EDARADD: variants seen among roughly 807,000 people sequenced by gnomAD.
The protein encoded by EDARADD is EDAR associated via death domain.
EDARADD carries 20 observed loss-of-function variants against 25.6 expected under a neutral mutation model. The ratio of observed to expected loss-of-function variants is 0.78; its 90% CI spans 0.55 to 1.14. The LOEUF (loss-of-function observed/expected upper bound fraction) is 1.14. EDARADD is among the 50% of genes most tolerant of loss of function. The pLI, the probability that EDARADD is intolerant of heterozygous loss-of-function variation, is 0.00. For synonymous variants in EDARADD, 86 were observed against 94.4 expected (o/e 0.91, Z 0.52); for missense variants, 225 against 270.1 (o/e 0.83, Z 1.17).
intron 3 of EDARADD, among the ~76,000 whole-genome samples, chr1:236,416,409 T>C (rs596222): frequency 1.3e-5 from 2 of 152,036 alleles, no homozygotes; most frequent in African/African-American, 4.8e-5. Context: ...AATGTCGTGG[T>C]GCCATCAGGC....
chr1:236,381,801 C>CTGTTTTTT (rs1667303341), intron 3 of EDARADD, among the ~76,000 whole-genome samples: 2 of 42,072 alleles, frequency 4.8e-5, no homozygotes, highest in Admixed American at 4.8e-4. Context: ...CCTGTGGTTG[C>CTGTTTTTT]TTTTTTTTTT....
chr1:236,376,590 G>A (rs767202401), intron 3 of EDARADD, among the ~76,000 whole-genome samples: 12 of 151,734 alleles, frequency 7.9e-5, no homozygotes, highest in African/African-American at 1.7e-4. Flanking sequence ...GTCTTTTTTC[G>A]AACTTTTTTC....
chr1:236,359,615 G>A (rs1667022982), intron 3 of EDARADD, among the ~76,000 whole-genome samples: 1 of 152,224 alleles, frequency 6.6e-6, no homozygotes, highest in African/African-American at 2.4e-5. Context: ...CAGTGGCTGG[G>A]GAAGCCTCAC....
chr1:236,433,753 C>A (rs1658168971), intron 4 of EDARADD, among the ~76,000 whole-genome samples: 1 of 151,588 alleles, frequency 6.6e-6, no homozygotes, highest in East Asian at 1.9e-4. Context: ...GCCTGTTATC[C>A]CAGCTACTCT....
rs34509027 is a variant in EDARADD at position 236,385,089 on chromosome 1, C to CTTTTTTTTTTTTTTTTT, written c.-5-24126_-5-24110dup. Among the ~76,000 whole-genome samples the CTTTTTTTTTTTTTTTTT allele has an allele frequency of 2.2e-4, 27 of 121,934 alleles. 1 individual carries two copies. The highest frequency in any genetic ancestry group is 6.7e-4 in the African/African-American group (20 of 29,742). 80.0% of individuals were successfully genotyped at this position (121,934 alleles called of 152,430 possible). A position where few individuals can be genotyped will look rare whatever the true frequency, so the allele number is the denominator to read the frequency against. ...GATTTTTATTCTATGCCTTTTGATT[C>CTTTTTTTTTTTTTTTTT]TTTTTTTTTTTTTTTTTGCCTTAAG... On this transcript the variant is annotated intron_variant, in intron 3 of 7. Coordinates refer to the EDARADD transcript ENST00000439430.
chr1:236,423,731 T>G (rs1192763428), intron 3 of EDARADD, among the ~76,000 whole-genome samples: 4 of 152,166 alleles, frequency 2.6e-5, no homozygotes, highest in Non-Finnish European at 5.9e-5. Context: ...TTCTAGTCAC[T>G]AATTGGATGG....
At position 236,482,971 on chromosome 1, in the gene EDARADD, C is replaced by T. The variant is rs1037364729; in HGVS notation, c.*322C>T. 11 of 604,780 alleles carry T rather than the reference C, an allele frequency of 1.8e-5. No homozygotes were observed. Among genetic ancestry groups the T allele is most frequent in the African/African-American group, 3.7e-5 (2 of 53,852 alleles). The allele number at this position is 604,780 out of a possible 1,614,324, so 37.5% of individuals were successfully genotyped here. On this transcript the variant is annotated 3_prime_UTR_variant, in exon 6 of 6. Transcript: ENST00000334232. Reference sequence around the variant, plus strand: ...ATAAAATTATCCTCTCTCTGAAATACGGTAAAGATTTAAATAGGTCCTGAG... The same window carrying T: ...ATAAAATTATCCTCTCTCTGAAATATGGTAAAGATTTAAATAGGTCCTGAG...
At chr1:236,405,333 C>T (rs796816526) in intron 1 of EDARADD, among the ~76,000 whole-genome samples, 1 of 152,194 alleles carries the variant, frequency 6.6e-6, no homozygotes, top group African/African-American at 2.4e-5. Flanking sequence ...TCTTGTTGGC[C>T]TCATAACCCT....
intron 5 of EDARADD, among the ~76,000 whole-genome samples, chr1:236,477,054 CAAA>C (rs61477663): frequency 5.3e-5 from 6 of 113,830 alleles, no homozygotes; most frequent in African/African-American, 5.8e-5. Context: ...TGCCCATAAG[CAAA>C]AAAAAAAAAA....
At chr1:236,435,510 C>T (rs1277813673) in intron 4 of EDARADD, among the ~76,000 whole-genome samples, 1 of 152,102 alleles carries the variant, frequency 6.6e-6, no homozygotes, top group African/African-American at 2.4e-5. Flanking sequence ...CTTCACATGT[C>T]GAGGAAGGAA....
At chr1:236,447,135 CTCTT>C (rs1658564114) in intron 4 of EDARADD, among the ~76,000 whole-genome samples, 1 of 151,366 alleles carries the variant, frequency 6.6e-6, no homozygotes, top group Non-Finnish European at 1.5e-5. Flanking sequence ...CTCTCTCTCT[CTCTT>C]TCCTTCCTTC....
rs1275192352 is a variant in EDARADD, at chr1:236,484,351, G to A, written c.*1702G>A. ...CTGTGACCTGGGCAGCTCAAGACTG[G>A]TGCCCCTTGCTGATCTGAGCGCTTG... On this transcript the variant is annotated 3_prime_UTR_variant, in exon 6 of 6. Transcript: ENST00000334232. The surrounding 1 kb of genome is among the most constrained non-coding windows in gnomAD (Gnocchi z 4.1). 13 of 1,484,284 alleles carry A rather than the reference G, an allele frequency of 8.8e-6. No homozygotes were observed. Among genetic ancestry groups the A allele is most frequent in the Non-Finnish European group, 1.0e-5 (11 of 1,062,500 alleles). 91.9% of individuals were successfully genotyped at this position (1,484,284 alleles called of 1,614,324 possible). A position where few individuals can be genotyped will look rare whatever the true frequency, so the allele number is the denominator to read the frequency against.
chr1:236,481,145 A>C (rs897250025), intron 5 of EDARADD, among the ~76,000 whole-genome samples: 1 of 152,106 alleles, frequency 6.6e-6, no homozygotes, highest in Non-Finnish European at 1.5e-5. Flanking sequence ...TCCAGTTTTC[A>C]TGTCTGTGTT....
chr1:236,482,653 T>C lies in EDARADD; in HGVS notation c.*4T>C. 1 of 1,611,524 alleles carries C rather than the reference T, an allele frequency of 6.2e-7. No individual in the cohort carries two copies. ...AGACCCCTCCAGGCACTTCTAGAGCTCTTCTTCTTCCTTCATTGGCCTCTC... is the reference window on the plus strand; with the variant it reads ...AGACCCCTCCAGGCACTTCTAGAGCCCTTCTTCTTCCTTCATTGGCCTCTC... On this transcript the variant is annotated 3_prime_UTR_variant, in exon 6 of 6. Coordinates refer to ENST00000334232, the MANE Select transcript of EDARADD (RefSeq NM_145861.4).
chr1:236,422,133 G>A (rs1484062002), intron 3 of EDARADD, among the ~76,000 whole-genome samples: 1 of 152,220 alleles, frequency 6.6e-6, no homozygotes, highest in East Asian at 1.9e-4. Flanking sequence ...GTGACACCCA[G>A]TAACTTACAT....
At chr1:236,481,726 C>T (rs1305721042) in intron 5 of EDARADD, among the ~76,000 whole-genome samples, 4 of 149,856 alleles carry the variant, frequency 2.7e-5, no homozygotes, top group Non-Finnish European at 5.9e-5. Flanking sequence ...TTGCAGTGAG[C>T]CGAGATCATG....
intron 4 of EDARADD, among the ~76,000 whole-genome samples, chr1:236,467,235 G>A (rs556874453): frequency 6.7e-6 from 1 of 150,370 alleles, no homozygotes; most frequent in Non-Finnish European, 1.5e-5. Context: ...CATTGGCACC[G>A]TGCCTGAGGT....
rs148103233 is a variant in EDARADD, at chr1:236,364,676, A to G, written c.-6+13837A>G. On this transcript the variant is annotated intron_variant, in intron 3 of 7. Transcript: ENST00000439430. ...ATTCTATTGTAAATTGCAGTTCTTA[A>G]TTTCCATTTCTGATTGTTTGTTGCT... Among the ~76,000 whole-genome samples, 37 of 150,784 alleles carry G rather than the reference A, an allele frequency of 2.5e-4. 1 individual carries two copies. The highest frequency in any genetic ancestry group is 8.4e-4 in the South Asian group (4 of 4,748).
At chr1:236,351,271 C>A (rs1470580936) in intron 3 of EDARADD, among the ~76,000 whole-genome samples, 13 of 152,134 alleles carry the variant, frequency 8.5e-5, no homozygotes, top group African/African-American at 2.9e-4. Context: ...ATTAATTTTG[C>A]CTCAGCCTCT....
Sources: allele counts gnomAD v4.1 joint callset (sites outside exome capture counted in the v4.1 genomes callset), GRCh38; gene constraint gnomAD v4.1.1; non-coding constraint Gnocchi (gnomAD v3.1); transcripts MANE v1.5; gene names NCBI Gene and HGNC (gene_info 2026-07-23, HGNC 2026-07-21).